CHST3: variants seen among roughly 807,000 people sequenced by gnomAD.
CHST3 encodes the protein C6ST-1.
A neutral mutation model predicts 35.4 loss-of-function variants in CHST3; 20 were observed. The ratio of observed to expected loss-of-function variants is 0.57; its 90% CI spans 0.40 to 0.82. The LOEUF is 0.82. Among genes scored for constraint, CHST3 ranks in the 40% least tolerant of loss-of-function variants. The probability of loss-of-function intolerance (pLI) is 0.00; values close to 1 mark genes in which losing one functional copy is unlikely to be tolerated. For synonymous variants in CHST3, 334 were observed against 295.9 expected (o/e 1.13, Z -1.32); for missense variants, 693 against 670.1 (o/e 1.03, Z -0.38).
At chr10:71,965,018 T>A (rs1839615524) in intron 1 of CHST3, among the ~76,000 whole-genome samples, 1 of 152,040 alleles carries the variant, frequency 6.6e-6, no homozygotes, top group Non-Finnish European at 1.5e-5. Context: ...GCGCGGGGGA[T>A]TTGGCCTCTA....
At chr10:71,979,759 T>C (rs1839783309) in intron 1 of CHST3, among the ~76,000 whole-genome samples, 1 of 152,162 alleles carries the variant, frequency 6.6e-6, no homozygotes, top group African/African-American at 2.4e-5. Flanking sequence ...GTATGTAAAA[T>C]TCAAGTACAA....
intron 1 of CHST3, among the ~76,000 whole-genome samples, chr10:71,969,975 C>T (rs566061258): frequency 6.6e-5 from 10 of 152,328 alleles, no homozygotes; most frequent in Admixed American, 4.6e-4. Context: ...TATTTGCCAC[C>T]TTTTCTTCTC....
chr10:72,001,089 G>A (rs1040472843), intron 1 of CHST3, among the ~76,000 whole-genome samples: 3 of 152,172 alleles, frequency 2.0e-5, no homozygotes, highest in African/African-American at 7.2e-5. Context: ...ACAGTGATTT[G>A]AGAACTGTAT....
chr10:71,971,401 G>A (rs539770447), intron 1 of CHST3, among the ~76,000 whole-genome samples: 224 of 152,310 alleles, frequency 1.5e-3, no homozygotes, highest in African/African-American at 3.6e-3. Context: ...CAGCTTAGCC[G>A]TCTGCAGACC....
At chr10:71,999,741 T>G (rs1589506080) in intron 1 of CHST3, among the ~76,000 whole-genome samples, 1 of 152,160 alleles carries the variant, frequency 6.6e-6, no homozygotes, top group East Asian at 1.9e-4. Context: ...GCCATCCAAG[T>G]AGAAAACTCG....
At chr10:71,995,185 G>C (rs1038154168) in intron 1 of CHST3, among the ~76,000 whole-genome samples, 2 of 152,132 alleles carry the variant, frequency 1.3e-5, no homozygotes, top group Non-Finnish European at 2.9e-5. Context: ...AGCACTTTGG[G>C]AGGCTGAGGT....
At chr10:71,967,005 A>C (rs537568450) in intron 1 of CHST3, among the ~76,000 whole-genome samples, 1 of 152,160 alleles carries the variant, frequency 6.6e-6, no homozygotes, top group Non-Finnish European at 1.5e-5. Context: ...CCCAATAGGT[A>C]GTTGTTGGGT....
At chr10:71,994,850 C>G (rs1005238521) in intron 1 of CHST3, among the ~76,000 whole-genome samples, 3 of 152,198 alleles carry the variant, frequency 2.0e-5, no homozygotes, top group Non-Finnish European at 4.4e-5. Context: ...CCTGCTTTAC[C>G]TTGCACTTTT....
chr10:71,986,645 G>A (rs1166458354), intron 1 of CHST3, among the ~76,000 whole-genome samples: 2 of 152,200 alleles, frequency 1.3e-5, no homozygotes, highest in African/African-American at 4.8e-5. Context: ...TTAGGTGAGT[G>A]TCCCTGTAAG....
At chr10:71,993,633 T>C (rs1020828619) in intron 1 of CHST3, among the ~76,000 whole-genome samples, 1 of 152,226 alleles carries the variant, frequency 6.6e-6, no homozygotes, top group Non-Finnish European at 1.5e-5. Context: ...CTATTGCAGC[T>C]ATAGCCTTAC....
chr10:71,975,638 G>A (rs1839737674), intron 1 of CHST3, among the ~76,000 whole-genome samples: 1 of 152,240 alleles, frequency 6.6e-6, no homozygotes, highest in Admixed American at 6.5e-5. Context: ...AAGGAGCACG[G>A]GGGCTCAGGG....
chr10:71,989,184 AAAGG>A (rs1227102616), intron 1 of CHST3, among the ~76,000 whole-genome samples: 7 of 152,224 alleles, frequency 4.6e-5, no homozygotes, highest in East Asian at 3.9e-4. Flanking sequence ...AAAGAAAAAG[AAAGG>A]AAGGAAGGAA....
Position 72,005,915 on chromosome 10 carries a change from G to A in CHST3, c.73G>A (p.Ala25Thr), listed in dbSNP as rs766914012. 5.6e-6 allele frequency: 9 copies of A among 1,614,164 alleles called. No individual in the cohort carries two copies. Among genetic ancestry groups the A allele is most frequent in the South Asian group, 3.3e-5 (3 of 91,056 alleles). The change falls in exon 2 of 3, where the codon GCC becomes ACC. Residue 25 changes from alanine (A) to threonine (T), a missense_variant. Physicochemically the swap from Ala to Thr is moderately conservative, Grantham distance 58. Coordinates refer to ENST00000373115, the MANE Select transcript of CHST3 (RefSeq NM_004273.5). ...VHSLKMRSKY[A>T]LFLVFVVIVF... ...CAGCCTGAAGATGAGAAGCAAATAC[G>A]CCCTTTTCTTGGTTTTTGTGGTGAT...
intron 1 of CHST3, among the ~76,000 whole-genome samples, chr10:71,967,232 T>C (rs550972628): frequency 8.1e-4 from 124 of 152,318 alleles, no homozygotes; most frequent in East Asian, 5.8e-3. Flanking sequence ...GCTCTAGCGA[T>C]CTGCCTGCCT....
chr10:71,987,308 G>A (rs975627407), intron 1 of CHST3, among the ~76,000 whole-genome samples: 1 of 152,060 alleles, frequency 6.6e-6, no homozygotes, highest in African/African-American at 2.4e-5. Context: ...GAAGAAAAGA[G>A]GCTGGAGTTC....
chr10:72,002,400 G>T, intron 1 of CHST3, among the ~76,000 whole-genome samples: 1 of 152,156 alleles, frequency 6.6e-6, no homozygotes, highest in East Asian at 1.9e-4. Context: ...CAGAGGGAAG[G>T]GGGTAGCCAG....
Position 72,008,658 on chromosome 10 carries a change from G to A in CHST3, c.*187G>A, listed in dbSNP as rs1056925617. 3.9e-5 allele frequency: 50 copies of A among 1,272,860 alleles called. No homozygotes were observed. The African/African-American group carries it at 5.1e-4, about 13-fold the overall frequency. The allele number at this position is 1,272,860 out of a possible 1,614,324, so 78.8% of individuals were successfully genotyped here. A position where few individuals can be genotyped will look rare whatever the true frequency, so the allele number is the denominator to read the frequency against. ...AATTGCGGAGAACAGGACAGTGCCCGGTCCCCTTGAGGGCCATCACACCCA... is the reference window on the plus strand; with the variant it reads ...AATTGCGGAGAACAGGACAGTGCCCAGTCCCCTTGAGGGCCATCACACCCA... On this transcript the variant is annotated 3_prime_UTR_variant, in exon 3 of 3. Coordinates refer to ENST00000373115, the MANE Select transcript of CHST3 (RefSeq NM_004273.5).
intron 1 of CHST3, among the ~76,000 whole-genome samples, chr10:72,002,739 G>A (rs777253880): frequency 1.5e-4 from 23 of 152,348 alleles, no homozygotes; most frequent in Non-Finnish European, 1.6e-4. Context: ...CACCCTGTCA[G>A]TGGGGCAGGT....
At chr10:71,966,594 G>A (rs1839633801) in intron 1 of CHST3, among the ~76,000 whole-genome samples, 1 of 152,160 alleles carries the variant, frequency 6.6e-6, no homozygotes, top group African/African-American at 2.4e-5. Flanking sequence ...GCGGCACCAA[G>A]GACTGGCCTC....
Sources: allele counts gnomAD v4.1 joint callset (sites outside exome capture counted in the v4.1 genomes callset), GRCh38; gene constraint gnomAD v4.1.1; transcripts MANE v1.5; gene names NCBI Gene and HGNC (gene_info 2026-07-23, HGNC 2026-07-21).